The following ROBO2 variants were observed in gnomAD, a reference collection of about 807,000 sequenced individuals.
ROBO2 encodes the protein roundabout guidance receptor 2.
Under a neutral mutation model 160.8 loss-of-function variants are expected in ROBO2, and 53 were observed. The ratio of observed to expected loss-of-function variants is 0.33; its 90% CI spans 0.26 to 0.41. ROBO2 has a LOEUF of 0.41. Ranked by LOEUF, ROBO2 falls within the 10% of genes least tolerant of loss-of-function variation. ROBO2 has a pLI of 1.00. For missense variants in ROBO2, 1,577 were observed against 1,722.4 expected (o/e 0.92, Z 1.49); for synonymous variants, 664 against 611.7 (o/e 1.09, Z -1.26).
intron 2 of ROBO2, among the ~76,000 whole-genome samples, chr3:76,381,655 T>A (rs560904820): frequency 6.6e-6 from 1 of 152,274 alleles, no homozygotes; most frequent in African/African-American, 2.4e-5. Flanking sequence ...CGCCTATTAT[T>A]ATTATGTTGA....
intron 2 of ROBO2, among the ~76,000 whole-genome samples, chr3:76,109,535 C>A (rs558822147): frequency 6.6e-6 from 1 of 152,032 alleles, no homozygotes; most frequent in Non-Finnish European, 1.5e-5. Flanking sequence ...TAACTCCACA[C>A]GTAATCATTT....
chr3:76,619,446 G>A (rs1174607460), intron 2 of ROBO2, among the ~76,000 whole-genome samples: 2 of 151,988 alleles, frequency 1.3e-5, no homozygotes, highest in South Asian at 2.1e-4. Context: ...CTTTTAAAAA[G>A]ATATCGAGTT....
At chr3:77,040,793 T>G in exon 1 of ROBO2, 1 of 1,614,062 alleles carries the variant, frequency 6.2e-7, no homozygotes, top group Non-Finnish European at 8.5e-7. Context: ...AAAATGAGTC[T>G]GCTGATGTTT....
chr3:75,923,937 G>C (rs1037214590), intron 1 of ROBO2, among the ~76,000 whole-genome samples: 7 of 152,066 alleles, frequency 4.6e-5, no homozygotes, highest in Non-Finnish European at 8.8e-5. Context: ...ATTTTAAAAA[G>C]GCCATCTACT....
At chr3:76,902,712 G>A (rs762504959) in intron 2 of ROBO2, among the ~76,000 whole-genome samples, 23 of 151,046 alleles carry the variant, frequency 1.5e-4, no homozygotes, top group Non-Finnish European at 2.5e-4. Context: ...TGATTGTCTT[G>A]TATTCACATT....
chr3:77,243,141 CA>C (rs1467515068), intron 2 of ROBO2, among the ~76,000 whole-genome samples: 4 of 151,892 alleles, frequency 2.6e-5, no homozygotes, highest in Admixed American at 2.6e-4. Context: ...AAGCGTCATC[CA>C]TCTTTTTCAA....
chr3:76,930,638 A>C (rs1272022541), intron 2 of ROBO2, among the ~76,000 whole-genome samples: 1 of 152,172 alleles, frequency 6.6e-6, no homozygotes, highest in African/African-American at 2.4e-5. Context: ...TAACCCCACA[A>C]TCTGCCTCCT....
At chr3:76,259,352 G>T (rs1394124744) in intron 2 of ROBO2, among the ~76,000 whole-genome samples, 1 of 152,062 alleles carries the variant, frequency 6.6e-6, no homozygotes, top group Admixed American at 6.6e-5. Flanking sequence ...GAAGTGTAAA[G>T]TTTATTCACT....
chr3:76,283,171 G>T (rs1434208572), intron 2 of ROBO2, among the ~76,000 whole-genome samples: 2 of 18,870 alleles, frequency 1.1e-4, no homozygotes, highest in African/African-American at 1.9e-4. Flanking sequence ...TATATATAGT[G>T]ACCCCTGCCA....
Position 77,059,943 on chromosome 3 carries a change from G to A in ROBO2, c.61+19097G>A, listed in dbSNP as rs184077090. ...CTTCAGAGTATATACTACACCAGGG[G>A]GGTTACAGTGGTGACTATCAGGAGA... On this transcript the variant is annotated intron_variant, in intron 1 of 25. Transcript: ENST00000461745. Among the ~76,000 whole-genome samples the A allele has an allele frequency of 2.6e-5, 4 of 151,962 alleles. No individual in the cohort carries two copies. In the East Asian group the frequency reaches 8.0e-4, roughly 30 times the overall value.
chr3:77,124,248 T>G (rs1370102071), intron 2 of ROBO2, among the ~76,000 whole-genome samples: 4 of 152,154 alleles, frequency 2.6e-5, no homozygotes, highest in Non-Finnish European at 1.5e-5. Flanking sequence ...AGCCTCCTTC[T>G]TCAGAAGATG....
At chr3:76,439,043 T>G (rs187960648) in intron 2 of ROBO2, among the ~76,000 whole-genome samples, 1 of 152,230 alleles carries the variant, frequency 6.6e-6, no homozygotes, top group Admixed American at 6.5e-5. Context: ...GGAGAAAGGA[T>G]AACTTTTTAA....
At chr3:76,906,764 A>G (rs1263837745) in intron 2 of ROBO2, among the ~76,000 whole-genome samples, 1 of 152,124 alleles carries the variant, frequency 6.6e-6, no homozygotes, top group Non-Finnish European at 1.5e-5. Context: ...CTCTATTATT[A>G]TAATTTCTTA....
chr3:76,345,667 C>G (rs1017349528), intron 2 of ROBO2, among the ~76,000 whole-genome samples: 9 of 151,654 alleles, frequency 5.9e-5, no homozygotes, highest in Non-Finnish European at 1.3e-4. Flanking sequence ...TTTTCAGGTA[C>G]TGAAAAATTG....
Position 77,319,403 on chromosome 3 carries a change from G to T in ROBO2, c.389-158011G>T, listed in dbSNP as rs2064423929. Among the ~76,000 whole-genome samples, 3 of 152,276 alleles carry T rather than the reference G, an allele frequency of 2.0e-5. No individual in the cohort carries two copies. In the South Asian group the frequency reaches 6.2e-4, roughly 32 times the overall value. Reference sequence around the variant, plus strand: ...AGAAATCTCCTGTTAAGTAAGATTAGAATTTGTCTTTGGGCCTTTTTAAAG... The same window carrying T: ...AGAAATCTCCTGTTAAGTAAGATTATAATTTGTCTTTGGGCCTTTTTAAAG... On this transcript the variant is annotated intron_variant, in intron 2 of 25. Coordinates refer to ENST00000461745, the Ensembl canonical transcript of ROBO2.
At position 77,166,418 on chromosome 3, in the gene ROBO2, G is replaced by GT. The variant is rs1192773450; in HGVS notation, c.388+68083dup. Among the ~76,000 whole-genome samples, 3 of 152,052 alleles carry GT rather than the reference G, an allele frequency of 2.0e-5. No homozygotes were observed. The East Asian group carries it at 5.8e-4, about 29-fold the overall frequency. On this transcript the variant is annotated intron_variant, in intron 2 of 25. Coordinates refer to ENST00000461745, the Ensembl canonical transcript of ROBO2. ...TTGATTCAATTGCATCTATCATAAT[G>GT]TTTTTGACACAAGATTTAATTCGGG... is the stretch of plus-strand genomic sequence containing the variant.
Position 76,706,058 on chromosome 3 carries a change from T to C in ROBO2, c.110-391956T>C, listed in dbSNP as rs149096999. ...AGTGTAAACATATGTTAAGCTTTTA[T>C]AGTAATCCATAGAAGAAAGCAATAA... On this transcript the variant is annotated intron_variant, in intron 2 of 26. Coordinates refer to the ROBO2 transcript ENST00000487694. Among the ~76,000 whole-genome samples, 84 of 152,274 alleles carry C rather than the reference T, an allele frequency of 5.5e-4. 1 individual carries two copies. In the East Asian group the frequency reaches 0.016, roughly 29 times the overall value.
intron 13 of ROBO2, among the ~76,000 whole-genome samples, chr3:77,572,334 C>G (rs1192317962): frequency 6.6e-6 from 1 of 151,934 alleles, no homozygotes; most frequent in Non-Finnish European, 1.5e-5. Flanking sequence ...AAAGTCATCT[C>G]TCTTTGGCTC....
intron 2 of ROBO2, among the ~76,000 whole-genome samples, chr3:76,798,274 A>AAG (rs1398206448): frequency 6.7e-6 from 1 of 148,526 alleles, no homozygotes; most frequent in African/African-American, 2.5e-5. Context: ...GAAAGAAAGA[A>AAG]AGAAAGAAAG....
Sources: gnomAD v4.1 joint callset for allele counts (sites outside exome capture counted in the v4.1 genomes callset) on GRCh38, gnomAD v4.1.1 for gene constraint, MANE v1.5 for transcripts, NCBI Gene and HGNC (gene_info 2026-07-23, HGNC 2026-07-21) for gene names.